GTF2A1L: variants seen among roughly 807,000 people sequenced by gnomAD.
GTF2A1L encodes general transcription factor IIA subunit 1 like.
GTF2A1L carries 48 observed loss-of-function variants against 49.7 expected under a neutral mutation model. That is an observed-to-expected ratio of 0.97 (90% confidence interval 0.77 to 1.23). GTF2A1L has a LOEUF of 1.23. Ranked by LOEUF, GTF2A1L falls within the 50% of genes most tolerant of loss-of-function variation. The pLI, the probability that GTF2A1L is intolerant of heterozygous loss-of-function variation, is 0.00. For missense variants in GTF2A1L, 736 were observed against 564.8 expected (o/e 1.30, Z -3.07); for synonymous variants, 246 against 193.5 (o/e 1.27, Z -2.25).
intron 6 of GTF2A1L, among the ~76,000 whole-genome samples, chr2:48,654,523 C>T (rs1320368966): frequency 1.3e-5 from 2 of 152,076 alleles, no homozygotes; most frequent in Non-Finnish European, 2.9e-5. Context: ...GCTGGGATTA[C>T]AGGTGCCCAC....
At chr2:48,624,480 A>G (rs1392703943) in intron 3 of GTF2A1L, among the ~76,000 whole-genome samples, 1 of 143,822 alleles carries the variant, frequency 7.0e-6, no homozygotes, top group South Asian at 2.3e-4. Context: ...AGATAGATAG[A>G]TAGATAGTGA....
chr2:48,620,810 T>G, intron 1 of GTF2A1L, 41 bp from the exon 2 acceptor site: 1 of 1,100,006 alleles, frequency 9.1e-7, no homozygotes, highest in Non-Finnish European at 1.2e-6. Context: ...AATAAATAAA[T>G]AAATAAATAA....
chr2:48,622,024 T>A (rs1008859133), intron 3 of GTF2A1L, among the ~76,000 whole-genome samples: 1 of 152,182 alleles, frequency 6.6e-6, no homozygotes. Context: ...CAAACAAGTT[T>A]TATTGGGTTT....
intron 3 of GTF2A1L, among the ~76,000 whole-genome samples, chr2:48,637,317 A>G (rs1676949465): frequency 6.6e-6 from 1 of 152,350 alleles, no homozygotes; most frequent in East Asian, 1.9e-4. Flanking sequence ...ACACTTATGA[A>G]TGTGGATATT....
chr2:48,633,524 T>C (rs1572708384), intron 3 of GTF2A1L, among the ~76,000 whole-genome samples: 1 of 152,186 alleles, frequency 6.6e-6, no homozygotes, highest in Non-Finnish European at 1.5e-5. Context: ...TATGATAATT[T>C]TTTTGAACTT....
At position 48,620,857 on chromosome 2, in the gene GTF2A1L, C is replaced by G. The variant is rs748032309; in HGVS notation, c.28C>G (p.Leu10Val). ...AACAATTGCTTTTATGTAGCCTAAA[C>G]TCTACAGATCTGTAATTGAAGATGT... MACLNPVPK[L>V]YRSVIEDVIE... The change falls in exon 2 of 9, where the codon CTC becomes GTC. Residue 10 changes from leucine (L) to valine (V), a missense_variant. Physicochemically the swap from Leu to Val is conservative, Grantham distance 32. Transcript: ENST00000403751. 1 of 1,516,340 alleles carries G rather than the reference C, an allele frequency of 6.6e-7. No homozygotes were observed. Among genetic ancestry groups the G allele is most frequent in the Non-Finnish European group, 8.8e-7 (1 of 1,133,070 alleles). 93.9% of individuals were successfully genotyped at this position (1,516,340 alleles called of 1,614,324 possible).
intron 7 of GTF2A1L, among the ~76,000 whole-genome samples, chr2:48,671,128 G>A (rs964158206): frequency 1.3e-4 from 20 of 151,896 alleles, no homozygotes; most frequent in African/African-American, 4.8e-4. Context: ...GGCTCAAACA[G>A]GGATTTAAAC....
At chr2:48,664,655 G>C (rs773673226) in intron 6 of GTF2A1L, among the ~76,000 whole-genome samples, 1 of 152,090 alleles carries the variant, frequency 6.6e-6, no homozygotes, top group Non-Finnish European at 1.5e-5. Flanking sequence ...TTGTGGGAAG[G>C]TTTTTAATGG....
rs1389206243 is a variant in GTF2A1L, at chr2:48,626,406, T to C, written c.247+5116T>C. Among the ~76,000 whole-genome samples, 2 of 144,580 alleles carry C rather than the reference T, an allele frequency of 1.4e-5. 1 individual carries two copies. 94.9% of individuals were successfully genotyped at this position (144,580 alleles called of 152,430 possible). On this transcript the variant is annotated intron_variant, in intron 3 of 8. Transcript: ENST00000403751. Reference sequence around the variant, plus strand: ...TTTTAGACTTTTTTTTGTATTTCTATAAAGAAAGTCATTGGAATTTTGATA... The same window carrying C: ...TTTTAGACTTTTTTTTGTATTTCTACAAAGAAAGTCATTGGAATTTTGATA...
At chr2:48,662,323 T>A (rs535372593) in intron 6 of GTF2A1L, among the ~76,000 whole-genome samples, 42 of 152,342 alleles carry the variant, frequency 2.8e-4, no homozygotes, top group South Asian at 8.3e-4. Flanking sequence ...ATTTATGTAT[T>A]TGTCCATGTA....
At chr2:48,654,037 G>A (rs1161650356) in intron 6 of GTF2A1L, among the ~76,000 whole-genome samples, 1 of 151,720 alleles carries the variant, frequency 6.6e-6, no homozygotes, top group East Asian at 1.9e-4. Context: ...ATGCTTATGA[G>A]AAACAGTCAA....
intron 6 of GTF2A1L, among the ~76,000 whole-genome samples, chr2:48,666,251 G>C (rs1160775015): frequency 3.3e-5 from 5 of 151,590 alleles, no homozygotes; most frequent in African/African-American, 9.7e-5. Context: ...TGTCACCCAG[G>C]CTGGAGTGCA....
Position 48,647,192 on chromosome 2 carries a change from A to T in GTF2A1L, c.978+150A>T, listed in dbSNP as rs1677568207. On this transcript the variant is annotated intron_variant, in intron 6 of 8. Coordinates refer to ENST00000403751, the MANE Select transcript of GTF2A1L (RefSeq NM_006872.5). Reference sequence around the variant, plus strand: ...GATTATTTCTTTTTTCTAGTGATTTAAAAAAATTTTTAATTGTGATAAAAT... The same window carrying T: ...GATTATTTCTTTTTTCTAGTGATTTTAAAAAATTTTTAATTGTGATAAAAT... 8 of 747,054 alleles carry T rather than the reference A, an allele frequency of 1.1e-5. No individual in the cohort carries two copies. In the East Asian group the frequency reaches 2.4e-4, roughly 22 times the overall value. 46.3% of individuals were successfully genotyped at this position (747,054 alleles called of 1,614,324 possible).
intron 1 of GTF2A1L, among the ~76,000 whole-genome samples, chr2:48,618,956 C>T (rs1235820241): frequency 6.6e-6 from 1 of 152,080 alleles, no homozygotes; most frequent in Non-Finnish European, 1.5e-5. Flanking sequence ...TTTTTTCCTT[C>T]GGTGTTAAGC....
At chr2:48,643,867 T>G (rs906619893) in intron 4 of GTF2A1L, among the ~76,000 whole-genome samples, 2 of 151,924 alleles carry the variant, frequency 1.3e-5, no homozygotes, top group Admixed American at 6.6e-5. Flanking sequence ...CCCAACTAAT[T>G]TTTTGTATTT....
In GTF2A1L at chr2:48,664,025, A is replaced by G. The variant is rs183265385; in HGVS notation, c.979-5697A>G. Among the ~76,000 whole-genome samples the G allele has an allele frequency of 8.7e-4, 133 of 152,328 alleles. 1 individual carries two copies. Among genetic ancestry groups the G allele is most frequent in the Non-Finnish European group, 1.7e-3 (118 of 68,026 alleles). On this transcript the variant is annotated intron_variant, in intron 6 of 8. Transcript: ENST00000403751. ...CCTGTGACCTCGTTAAACCCACTTA[A>G]TAATTTTAGTAGTTGTTTTGTAGAC...
rs140395784 is a variant in GTF2A1L, at chr2:48,644,769, G to A, written c.304-264G>A. On this transcript the variant is annotated intron_variant, in intron 4 of 8. Coordinates refer to ENST00000403751, the MANE Select transcript of GTF2A1L (RefSeq NM_006872.5). Reference sequence around the variant, plus strand: ...CCCTGCAAAGCTATGTCTTGGGCAAGTTTTTTGAGTTAATGTTTATACTGT... The same window carrying A: ...CCCTGCAAAGCTATGTCTTGGGCAAATTTTTTGAGTTAATGTTTATACTGT... 6.8e-4 allele frequency among the ~76,000 whole-genome samples: 104 copies of A among 152,262 alleles called. 1 individual carries two copies. In the East Asian group the frequency reaches 0.018, roughly 26 times the overall value.
At chr2:48,673,385 T>A (rs935082628) in intron 8 of GTF2A1L, among the ~76,000 whole-genome samples, 4 of 125,780 alleles carry the variant, frequency 3.2e-5, no homozygotes, top group Admixed American at 1.0e-4. Context: ...TTTTTTGAGA[T>A]GGAGTCTGGC....
At chr2:48,671,771 C>A in intron 8 of GTF2A1L, 91 bp downstream of exon 8, 4 of 1,241,500 alleles carry the variant, frequency 3.2e-6, no homozygotes, top group Non-Finnish European at 3.4e-6. Flanking sequence ...TGAAGAGTTA[C>A]ACTTCACAAT....
Sources: gnomAD v4.1 joint callset for allele counts (sites outside exome capture counted in the v4.1 genomes callset) on GRCh38, gnomAD v4.1.1 for gene constraint, MANE v1.5 for transcripts, NCBI Gene and HGNC (gene_info 2026-07-23, HGNC 2026-07-21) for gene names.